NEDD4L: variants seen among roughly 807,000 people sequenced by gnomAD.
NEDD4L encodes the protein E3 ubiquitin-protein ligase NEDD4-like.
NEDD4L carries 54 observed loss-of-function variants against 148.9 expected under a neutral mutation model. The ratio of observed to expected loss-of-function variants is 0.36; its 90% CI spans 0.29 to 0.45. NEDD4L has a LOEUF of 0.45. NEDD4L is among the 20% of genes least tolerant of loss of function. The pLI is 1.00. For missense variants in NEDD4L, 856 were observed against 1,233.8 expected (o/e 0.69, Z 4.59); for synonymous variants, 433 against 440.7 (o/e 0.98, Z 0.22).
rs545119914 is a variant in NEDD4L at position 58,127,337 on chromosome 18, C to T, written c.49-38451C>T. Among the ~76,000 whole-genome samples, 17 of 152,302 alleles carry T rather than the reference C, an allele frequency of 1.1e-4. No individual in the cohort carries two copies. In the South Asian group the frequency reaches 1.4e-3, roughly 13 times the overall value. On this transcript the variant is annotated intron_variant, in intron 1 of 30. Transcript: ENST00000400345. The stretch of plus-strand genomic sequence containing the variant: ...TCACAGGACGACATTCTGTGGGCAG[C>T]GCTGTATTTGTTTACAAACACAATT...
At chr18:58,063,163 AG>A (rs1318983745) in intron 1 of NEDD4L, among the ~76,000 whole-genome samples, 1 of 147,748 alleles carries the variant, frequency 6.8e-6, no homozygotes, top group Admixed American at 6.9e-5. Context: ...CTCCTACCAC[AG>A]CCTCCCAAGC....
At chr18:58,094,795 T>C (rs17064338) in intron 1 of NEDD4L, among the ~76,000 whole-genome samples, 15,294 of 151,798 alleles carry the variant, frequency 0.1, 918 homozygotes, top group Admixed American at 0.16. Flanking sequence ...CTTACAGACC[T>C]GGCAGTTGAA....
chr18:58,293,185 G>T (rs1326018166), intron 5 of NEDD4L, among the ~76,000 whole-genome samples: 7 of 152,202 alleles, frequency 4.6e-5, no homozygotes, highest in Admixed American at 4.6e-4. Context: ...AGCAAACTTG[G>T]TTGGTGAGTA....
At chr18:58,268,477 C>G (rs2050547785) in intron 5 of NEDD4L, among the ~76,000 whole-genome samples, 1 of 152,012 alleles carries the variant, frequency 6.6e-6, no homozygotes, top group Admixed American at 6.6e-5. Context: ...AACAGCCATT[C>G]ACAGTGTATC....
intron 1 of NEDD4L, among the ~76,000 whole-genome samples, chr18:58,159,432 A>G (rs946225678): frequency 6.6e-6 from 1 of 152,100 alleles, no homozygotes; most frequent in Non-Finnish European, 1.5e-5. Context: ...TAACAGGGAT[A>G]CTACTCTGGA....
At chr18:58,236,645 G>A (rs570293890) in intron 2 of NEDD4L, among the ~76,000 whole-genome samples, 21 of 152,346 alleles carry the variant, frequency 1.4e-4, no homozygotes, top group African/African-American at 2.6e-4. Flanking sequence ...CACCAGGCAC[G>A]GTGCTGGCAC....
chr18:58,247,962 A>G (rs2047472213), intron 3 of NEDD4L, among the ~76,000 whole-genome samples: 1 of 152,022 alleles, frequency 6.6e-6, no homozygotes, highest in African/African-American at 2.4e-5. Context: ...GTGTTGTGTG[A>G]GCTCTGTGTT....
chr18:58,389,058 T>C (rs2146923495), intron 27 of NEDD4L, 27 bp from the exon 28 acceptor site: 1 of 1,591,814 alleles, frequency 6.3e-7, no homozygotes. Context: ...ACATCCTGCT[T>C]TTACATCTGG....
intron 1 of NEDD4L, among the ~76,000 whole-genome samples, chr18:58,099,750 G>A (rs1044871173): frequency 6.6e-6 from 1 of 152,224 alleles, no homozygotes; most frequent in African/African-American, 2.4e-5. Flanking sequence ...TCTAAGGGGT[G>A]TAAGACGGCC....
chr18:58,072,085 T>G (rs1160093477), intron 1 of NEDD4L, among the ~76,000 whole-genome samples: 4 of 152,168 alleles, frequency 2.6e-5, no homozygotes, highest in African/African-American at 9.7e-5. Context: ...CTAAAGAATT[T>G]GAAAATCTGA....
rs570192778 is a variant in NEDD4L, at chr18:58,081,120, T to C, written c.48+36412T>C. ...GCTACAGTGTGCATTAAGAGACATT[T>C]GTGGTCTAGTTTTGGCACTTCATTT... On this transcript the variant is annotated intron_variant, in intron 1 of 30. Transcript: ENST00000400345. 3.9e-5 allele frequency among the ~76,000 whole-genome samples: 6 copies of C among 152,262 alleles called. No individual in the cohort carries two copies. The South Asian group carries it at 1.2e-3, about 32-fold the overall frequency.
At chr18:58,112,149 A>T (rs2085461373) in intron 1 of NEDD4L, among the ~76,000 whole-genome samples, 1 of 152,256 alleles carries the variant, frequency 6.6e-6, no homozygotes, top group Non-Finnish European at 1.5e-5. Context: ...TGTATGTTTC[A>T]TAAGGACATT....
In NEDD4L at chr18:58,349,595, A is replaced by G. The variant is rs773924900; in HGVS notation, c.1634A>G (p.Asn545Ser). The G allele has an allele frequency of 1.1e-5, 17 of 1,613,810 alleles. No homozygotes were observed. The highest frequency in any genetic ancestry group is 2.7e-5 in the African/African-American group (2 of 75,060). Residue 545 changes from asparagine to serine, a missense_variant, in exon 17 of 31, where the codon AAT becomes AGT. Physicochemically the swap from Asn to Ser is conservative, Grantham distance 46. Coordinates refer to ENST00000400345, the MANE Select transcript of NEDD4L (RefSeq NM_001144967.3). ...HMRSKTSLNP[N>S]DLGPLPPGWE... Reference sequence around the variant, plus strand: ...CGGTCAAAGACATCTTTAAACCCCAATGACCTTGGCCCCCTTCCTGTGAGT... The same window carrying G: ...CGGTCAAAGACATCTTTAAACCCCAGTGACCTTGGCCCCCTTCCTGTGAGT...
At chr18:58,271,874 T>C (rs2051093909) in intron 5 of NEDD4L, among the ~76,000 whole-genome samples, 1 of 152,208 alleles carries the variant, frequency 6.6e-6, no homozygotes, top group Non-Finnish European at 1.5e-5. Flanking sequence ...AATGTGCTTC[T>C]CTCTAATCTA....
intron 2 of NEDD4L, among the ~76,000 whole-genome samples, chr18:58,233,353 G>A (rs1243981048): frequency 2.0e-5 from 3 of 152,174 alleles, no homozygotes; most frequent in South Asian, 2.1e-4. Flanking sequence ...CCACATGGCC[G>A]GGGAGGCCTC....
chr18:58,153,391 G>A (rs1203697120), intron 1 of NEDD4L, among the ~76,000 whole-genome samples: 2 of 147,672 alleles, frequency 1.4e-5, no homozygotes, highest in Admixed American at 1.4e-4. Flanking sequence ...CCAGGCTAGA[G>A]TGCAGTGGCA....
intron 5 of NEDD4L, among the ~76,000 whole-genome samples, chr18:58,288,677 A>G (rs1028299410): frequency 1.5e-4 from 23 of 152,372 alleles, no homozygotes; most frequent in African/African-American, 5.3e-4. Flanking sequence ...ATGTGTCTCA[A>G]TAGTGCCATT....
intron 2 of NEDD4L, among the ~76,000 whole-genome samples, chr18:58,216,785 G>C (rs1345217861): frequency 6.6e-6 from 1 of 152,104 alleles, no homozygotes; most frequent in Non-Finnish European, 1.5e-5. Context: ...TCAAAAGAGG[G>C]GCCAGAGTCA....
Position 58,366,298 on chromosome 18 carries a change from G to A in NEDD4L, c.2063+70G>A. On this transcript the variant is annotated intron_variant, in intron 21 of 30. Transcript: ENST00000400345. This position sits in a 1 kb window ranked among gnomAD's most constrained non-coding sequence, Gnocchi z 4.2. ...TTGTATGAATTTAAACAGAATGAAA[G>A]GATAAGCAGCTCATGAGTTCGAGAT... The A allele has an allele frequency of 8.7e-7, 1 of 1,153,892 alleles. No homozygotes were observed. The highest frequency in any genetic ancestry group is 1.6e-5 in the African/African-American group (1 of 64,420). The allele number at this position is 1,153,892 out of a possible 1,614,324, so 71.5% of individuals were successfully genotyped here.
Sources: gnomAD v4.1 joint callset for allele counts (sites outside exome capture counted in the v4.1 genomes callset) on GRCh38, gnomAD v4.1.1 for gene constraint, Gnocchi (gnomAD v3.1) non-coding constraint, MANE v1.5 for transcripts, NCBI Gene and HGNC (gene_info 2026-07-23, HGNC 2026-07-21) for gene names.